TTC38: variants seen among roughly 807,000 people sequenced by gnomAD.
The protein encoded by TTC38 is tetratricopeptide repeat domain 38.
Under a neutral mutation model 64.2 loss-of-function variants are expected in TTC38, and 64 were observed. The observed-to-expected ratio is 1.00, with a 90% confidence interval of 0.81 to 1.23. TTC38 has a LOEUF of 1.23. TTC38 is among the 50% of genes most tolerant of loss of function. TTC38 has a pLI of 0.00. For synonymous variants in TTC38, 254 were observed against 249.3 expected, an observed-to-expected ratio of 1.02 and a Z score of -0.18; for missense variants, 573 against 615.5, an observed-to-expected ratio of 0.93 and a Z score of 0.73.
chr22:46,288,369 G>A, intron 10 of TTC38, 54 bp from the exon 11 acceptor site: 1 of 1,568,920 alleles, frequency 6.4e-7, no homozygotes, highest in Non-Finnish European at 8.7e-7. Flanking sequence ...CCCTTGCACG[G>A]GACATGCCCC....
At chr22:46,269,098 C>T (rs543080332) in intron 2 of TTC38, 5 of 424,200 alleles carry the variant, frequency 1.2e-5, no homozygotes, top group Admixed American at 8.9e-5. Context: ...GCCCCCCCCC[C>T]ACAGCGTCCT....
intron 2 of TTC38, 95 bp downstream of exon 2, chr22:46,268,686 T>C: frequency 7.9e-7 from 1 of 1,265,006 alleles, no homozygotes; most frequent in Admixed American, 2.1e-5. Flanking sequence ...TGTTTTGTTT[T>C]GTTTTGTTTT....
At position 46,289,477 on chromosome 22, in the gene TTC38, T is replaced by A; in HGVS notation, c.1158T>A (p.Ala386=). The change falls in exon 12 of 14, where the codon GCT becomes GCA. Residue 386 remains alanine, a synonymous_variant. Coordinates refer to ENST00000381031, the MANE Select transcript of TTC38 (RefSeq NM_017931.4). ...CCCTGTGCCAGGCCCTGGTGGAGGC[T>A]GAGGACGGGAACCCTGACCGCGTCC... The part of the protein sequence containing the change: ...GLPLCQALVE[A]EDGNPDRVLE... The A allele has an allele frequency of 6.2e-7, 1 of 1,609,370 alleles. No individual in the cohort carries two copies. Among genetic ancestry groups the A allele is most frequent in the Non-Finnish European group, 8.5e-7 (1 of 1,179,728 alleles).
rs2077533046 is a variant in TTC38, at chr22:46,281,346, G to A, written c.616-253G>A. ...AAAGATCCTGCTGCTGTCCAGCTGG[G>A]TGAAGTCGCATAGCCTCCCTAAGAC... On this transcript the variant is annotated intron_variant, in intron 6 of 13. Transcript: ENST00000381031. The surrounding 1 kb of genome is among the most constrained non-coding windows in gnomAD (Gnocchi z 5.2). Among the ~76,000 whole-genome samples, 1 of 152,246 alleles carries A rather than the reference G, an allele frequency of 6.6e-6. No homozygotes were observed. The highest frequency in any genetic ancestry group is 2.1e-4 in the South Asian group (1 of 4,836).
At position 46,292,794 on chromosome 22, in the gene TTC38, C is replaced by A. The variant is rs772679176; in HGVS notation, c.1320C>A (p.Ser440Arg). 6.2e-7 allele frequency: 1 copy of A among 1,613,642 alleles called. No homozygotes were observed. Among genetic ancestry groups the A allele is most frequent in the Non-Finnish European group, 8.5e-7 (1 of 1,179,594 alleles). Residue 440 changes from serine to arginine, a missense_variant, in exon 14 of 14, where the codon AGC becomes AGA. Ser to Arg is a moderately radical substitution (Grantham distance 110, BLOSUM62 -1). Transcript: ENST00000381031. The surrounding 1 kb of genome is among the most constrained non-coding windows in gnomAD (Gnocchi z 6.5). ...ACCTCTGTGTCTGTTTCCACAGGAG[C>A]CTTCTGATGGAGCGTGATGCCTTGA... The part of the protein sequence containing the change: ...TSSVHKNVAR[S>R]LLMERDALKP...
intron 11 of TTC38, among the ~76,000 whole-genome samples, 197 bp from the exon 12 acceptor site, chr22:46,289,205 G>T: frequency 6.6e-6 from 1 of 152,094 alleles, no homozygotes; most frequent in South Asian, 2.1e-4. Context: ...CTGGAAGTGG[G>T]CGAACTCCAA....
intron 1 of TTC38, 27 bp from the exon 2 acceptor site, chr22:46,268,487 C>G (rs777022359): frequency 3.7e-6 from 6 of 1,610,212 alleles, no homozygotes; most frequent in African/African-American, 2.7e-5. Context: ...AGAGAAGGCA[C>G]TGCTATTCCC....
At position 46,274,174 on chromosome 22, in the gene TTC38, A is replaced by C; in HGVS notation, c.365+105A>C. 4.2e-5 allele frequency: 40 copies of C among 941,352 alleles called. No individual in the cohort carries two copies. The highest frequency in any genetic ancestry group is 8.2e-5 in the East Asian group (3 of 36,406). 58.3% of individuals were successfully genotyped at this position (941,352 alleles called of 1,614,324 possible). A position where few individuals can be genotyped will look rare whatever the true frequency, so the allele number is the denominator to read the frequency against. ...CTTGGGACGGGGGCGGGGTGGGAGA[A>C]TGCTTCTCTCCCTGCCTCCTGAGAT... is the stretch of plus-strand genomic sequence containing the variant. On this transcript the variant is annotated intron_variant, in intron 4 of 13. Coordinates refer to ENST00000381031, the MANE Select transcript of TTC38 (RefSeq NM_017931.4). This position sits in a 1 kb window ranked among gnomAD's most constrained non-coding sequence, Gnocchi z 4.8.
At chr22:46,268,159 G>T in intron 1 of TTC38, 87 bp downstream of exon 1, 2 of 1,435,992 alleles carry the variant, frequency 1.4e-6, no homozygotes, top group Non-Finnish European at 1.9e-6. Flanking sequence ...GGGAGACATG[G>T]CCCGGGCGCG....
intron 12 of TTC38, 101 bp downstream of exon 12, chr22:46,289,662 G>A (rs2147802244): frequency 1.3e-6 from 2 of 1,486,046 alleles, no homozygotes; most frequent in South Asian, 1.2e-5. Flanking sequence ...TGCCAACAAT[G>A]TGGGTGTGAA....
In TTC38 at chr22:46,276,569, G is replaced by A. The variant is rs2077488586; in HGVS notation, c.539+1148G>A. On this transcript the variant is annotated intron_variant, in intron 5 of 13. Transcript: ENST00000381031. The surrounding 1 kb of genome is among the most constrained non-coding windows in gnomAD (Gnocchi z 4.7). ...AAAAGTTAGCCAGGCATGGTGGCAT[G>A]TGCCTGTAGTTCCGGCTACTCAGGA... is the stretch of plus-strand genomic sequence containing the variant. 6.6e-6 allele frequency among the ~76,000 whole-genome samples: 1 copy of A among 151,608 alleles called. No individual in the cohort carries two copies.
intron 2 of TTC38, among the ~76,000 whole-genome samples, chr22:46,269,816 G>A (rs141961663): frequency 8.1e-4 from 123 of 152,250 alleles, no homozygotes; most frequent in African/African-American, 2.3e-3. Flanking sequence ...TGTTTGAGAC[G>A]GAGTCTTGCC....
chr22:46,283,843 CTT>C, intron 7 of TTC38, 128 bp from the exon 8 acceptor site: 1 of 542,376 alleles, frequency 1.8e-6, no homozygotes, highest in Non-Finnish European at 2.8e-6. Flanking sequence ...CAGAGCCAGA[CTT>C]AGTCTCAAAA....
rs1253035962 is a variant in TTC38 at position 46,274,315 on chromosome 22, TA to T, written c.365+248del. On this transcript the variant is annotated intron_variant, in intron 4 of 13. Transcript: ENST00000381031. This position sits in a 1 kb window ranked among gnomAD's most constrained non-coding sequence, Gnocchi z 4.8. The stretch of plus-strand genomic sequence containing the variant: ...TCCAAAGTAACTTGCTTTGTTTCAT[TA>T]AGTAAATTATATATTATTTTCCTTA... 1.3e-5 allele frequency among the ~76,000 whole-genome samples: 2 copies of T among 152,198 alleles called. No individual in the cohort carries two copies.
Position 46,276,668 on chromosome 22 carries a change from A to G in TTC38, c.539+1247A>G, listed in dbSNP as rs2077489237. Among the ~76,000 whole-genome samples, 1 of 150,986 alleles carries G rather than the reference A, an allele frequency of 6.6e-6. No homozygotes were observed. Among genetic ancestry groups the G allele is most frequent in the Admixed American group, 6.6e-5 (1 of 15,094 alleles). Reference sequence around the variant, plus strand: ...AGCTGGCGATCATGCCACTGCACTCAGCCTGGGCAGCAGAGCAAGACTCTG... The same window carrying G: ...AGCTGGCGATCATGCCACTGCACTCGGCCTGGGCAGCAGAGCAAGACTCTG... On this transcript the variant is annotated intron_variant, in intron 5 of 13. Coordinates refer to ENST00000381031, the MANE Select transcript of TTC38 (RefSeq NM_017931.4). The surrounding 1 kb of genome is among the most constrained non-coding windows in gnomAD (Gnocchi z 4.7).
At chr22:46,284,124 T>G (rs6008506) in intron 8 of TTC38, 92 bp downstream of exon 8, 44,736 of 1,071,422 alleles carry the variant, frequency 0.042, 2,547 homozygotes, top group African/African-American at 0.25. Context: ...TTCACATCCG[T>G]TGGAGCCCTG....
chr22:46,273,120 A>T lies in TTC38; in HGVS notation c.193+704A>T, dbSNP rs1449468678. Among the ~76,000 whole-genome samples the T allele has an allele frequency of 1.3e-5, 2 of 152,158 alleles. No homozygotes were observed. The highest frequency in any genetic ancestry group is 4.8e-5 in the African/African-American group (2 of 41,444). On this transcript the variant is annotated intron_variant, in intron 3 of 13. Transcript: ENST00000381031. This position sits in a 1 kb window ranked among gnomAD's most constrained non-coding sequence, Gnocchi z 5.1. ...AGACAAACAAGGAAATAACTGGGGG[A>T]GAACGGGGGAGCCAAACCCAGTCAT... is the stretch of plus-strand genomic sequence containing the variant.
chr22:46,273,386 G>A lies in TTC38; in HGVS notation c.194-512G>A, dbSNP rs972895653. 2.0e-5 allele frequency among the ~76,000 whole-genome samples: 3 copies of A among 152,216 alleles called. No individual in the cohort carries two copies. Among genetic ancestry groups the A allele is most frequent in the Non-Finnish European group, 2.9e-5 (2 of 68,038 alleles). ...GGACACCCTGGCTCTCCCACAGTGG[G>A]GCCTGGGGGCCTGCACTCCTGCCAG... On this transcript the variant is annotated intron_variant, in intron 3 of 13. Transcript: ENST00000381031. The surrounding 1 kb of genome is among the most constrained non-coding windows in gnomAD (Gnocchi z 5.1).
intron 6 of TTC38, among the ~76,000 whole-genome samples, chr22:46,279,224 G>A (rs561834624): frequency 7.2e-5 from 11 of 152,326 alleles, no homozygotes; most frequent in South Asian, 2.1e-4. Context: ...CCTGGGGCGC[G>A]AATGGTCTCA....
Sources: gnomAD v4.1 joint callset for allele counts (sites outside exome capture counted in the v4.1 genomes callset) on GRCh38, gnomAD v4.1.1 for gene constraint, Gnocchi (gnomAD v3.1) non-coding constraint, MANE v1.5 for transcripts, NCBI Gene and HGNC (gene_info 2026-07-23, HGNC 2026-07-21) for gene names.